The following TRIM33 variants were observed in gnomAD, a reference collection of about 807,000 sequenced individuals.
TRIM33 encodes the protein E3 ubiquitin-protein ligase TRIM33.
TRIM33 carries 20 observed loss-of-function variants against 125.4 expected under a neutral mutation model. That is an observed-to-expected ratio of 0.16 (90% CI 0.11 to 0.23). The LOEUF is 0.23. Among genes scored for constraint, TRIM33 ranks in the 10% least tolerant of loss-of-function variants. The pLI, the probability that TRIM33 is intolerant of heterozygous loss-of-function variation, is 1.00. For synonymous variants in TRIM33, 564 were observed against 513.9 expected, an observed-to-expected ratio of 1.10 and a Z score of -1.32; for missense variants, 920 against 1,411.4, an observed-to-expected ratio of 0.65 and a Z score of 5.58.
At chr1:114,430,291 G>A (rs1647862735) in intron 6 of TRIM33, among the ~76,000 whole-genome samples, 1 of 151,978 alleles carries the variant, frequency 6.6e-6, no homozygotes, top group African/African-American at 2.4e-5. Flanking sequence ...TGTTGCCCAG[G>A]CTGGAGTGCA....
At chr1:114,471,628 AC>A (rs1214299485) in intron 1 of TRIM33, among the ~76,000 whole-genome samples, 1 of 152,108 alleles carries the variant, frequency 6.6e-6, no homozygotes, top group African/African-American at 2.4e-5. Flanking sequence ...ACTGCAAAAA[AC>A]AAAACAAAAC....
chr1:114,511,105 C>T lies in TRIM33; in HGVS notation c.-29G>A, dbSNP rs1216145517. ...TTCCTCTTTGAACCCGCCGGACCGC[C>T]CCGCGCCGCCCGCCGCCCGCGTCGC... On this transcript the variant is annotated 5_prime_UTR_variant, in exon 1 of 20. Coordinates refer to ENST00000358465, the MANE Select transcript of TRIM33 (RefSeq NM_015906.4). 11 of 1,144,802 alleles carry T rather than the reference C, an allele frequency of 9.6e-6. No homozygotes were observed. Among genetic ancestry groups the T allele is most frequent in the Admixed American group, 4.8e-5 (1 of 20,626 alleles). The allele number at this position is 1,144,802 out of a possible 1,614,324, so 70.9% of individuals were successfully genotyped here. A position where few individuals can be genotyped will look rare whatever the true frequency, so the allele number is the denominator to read the frequency against.
rs539323925 is a variant in TRIM33 at position 114,393,830 on chromosome 1, T to A, written c.*3818A>T. 18 of 209,304 alleles carry A rather than the reference T, an allele frequency of 8.6e-5. No homozygotes were observed. Among genetic ancestry groups the A allele is most frequent in the Middle Eastern group, 1.5e-3 (1 of 672 alleles). The allele number at this position is 209,304 out of a possible 1,614,324, so 13.0% of individuals were successfully genotyped here. On this transcript the variant is annotated 3_prime_UTR_variant, in exon 20 of 20. Transcript: ENST00000358465. ...ATTTTTAAAATAAAATGCCACAATA[T>A]AGTGTCATTACTTCCAGCATACATT...
chr1:114,427,642 G>A (rs550189312), intron 7 of TRIM33, 106 bp downstream of exon 7: 52 of 1,189,762 alleles, frequency 4.4e-5, no homozygotes, highest in Non-Finnish European at 5.7e-5. Flanking sequence ...TGTGGTGGTG[G>A]TTACATTTGC....
At chr1:114,506,686 T>G (rs1653024695) in intron 1 of TRIM33, among the ~76,000 whole-genome samples, 1 of 152,192 alleles carries the variant, frequency 6.6e-6, no homozygotes, top group African/African-American at 2.4e-5. Flanking sequence ...CCACTACTGA[T>G]AGCTGTTCTG....
intron 15 of TRIM33, 30 bp from the exon 16 acceptor site, chr1:114,402,913 G>A (rs374817652): frequency 2.3e-5 from 37 of 1,585,302 alleles, no homozygotes; most frequent in Non-Finnish European, 3.0e-5. Context: ...ATTAGTCCAC[G>A]TAATTATAAG....
At chr1:114,434,695 G>A (rs115656815) in intron 4 of TRIM33, among the ~76,000 whole-genome samples, 42 of 152,106 alleles carry the variant, frequency 2.8e-4, no homozygotes, top group African/African-American at 9.2e-4. Flanking sequence ...TTTTTACATG[G>A]ACTAAAGAAT....
intron 4 of TRIM33, among the ~76,000 whole-genome samples, chr1:114,448,175 G>C (rs1256694367): frequency 6.6e-6 from 1 of 152,240 alleles, no homozygotes; most frequent in Non-Finnish European, 1.5e-5. Flanking sequence ...TTGGCTACAT[G>C]AGAGGGGATG....
In TRIM33 at chr1:114,405,617, A is replaced by C; in HGVS notation, c.2561T>G (p.Leu854Arg). 6.2e-7 allele frequency: 1 copy of C among 1,614,176 alleles called. No individual in the cohort carries two copies. Among genetic ancestry groups the C allele is most frequent in the South Asian group, 1.1e-5 (1 of 91,086 alleles). Residue 854 changes from leucine (L) to arginine (R), a missense_variant, in exon 15 of 20, where the codon CTC becomes CGC. By Grantham distance (102) the Leu-to-Arg change is moderately radical. This residue lies in a region of TRIM33 where 407 missense variants were observed against 589.7 expected (regional missense o/e 0.69). Coordinates refer to ENST00000358465, the MANE Select transcript of TRIM33 (RefSeq NM_015906.4). ...GGACTTTCCATTAACAAGGCTGCTG[A>C]GCCCTGACTGTTTGCAGCTTTCATT... ...DMNESCKQSG[L>R]SSLVNGKSPI...
At chr1:114,439,809 A>G (rs1572056988) in intron 4 of TRIM33, among the ~76,000 whole-genome samples, 1 of 152,230 alleles carries the variant, frequency 6.6e-6, no homozygotes, top group East Asian at 1.9e-4. Context: ...AAGAGAAAAA[A>G]GATACACTGT....
chr1:114,400,350 T>C (rs996265321), intron 17 of TRIM33, among the ~76,000 whole-genome samples: 1 of 152,128 alleles, frequency 6.6e-6, no homozygotes, highest in Non-Finnish European at 1.5e-5. Context: ...ATTACAGGCA[T>C]GCACTACCAC....
chr1:114,486,810 G>A (rs75275340), intron 1 of TRIM33, among the ~76,000 whole-genome samples: 30 of 152,052 alleles, frequency 2.0e-4, no homozygotes, highest in Non-Finnish European at 2.9e-4. Flanking sequence ...TGAACAGGCC[G>A]GGTGCAGTGG....
chr1:114,450,534 T>G (rs550146536), intron 4 of TRIM33, among the ~76,000 whole-genome samples: 329 of 152,232 alleles, frequency 2.2e-3, no homozygotes, highest in African/African-American at 6.9e-3. Flanking sequence ...ATTGCTGGCT[T>G]TGGAAACTAA....
At chr1:114,451,938 T>C (rs1487041292) in intron 4 of TRIM33, among the ~76,000 whole-genome samples, 1 of 152,226 alleles carries the variant, frequency 6.6e-6, no homozygotes, top group African/African-American at 2.4e-5. Context: ...GATTATGGAA[T>C]GAAGCTAAAT....
At chr1:114,487,516 G>T (rs976076519) in intron 1 of TRIM33, among the ~76,000 whole-genome samples, 1 of 151,858 alleles carries the variant, frequency 6.6e-6, no homozygotes, top group Admixed American at 6.6e-5. Flanking sequence ...AAGCATGTAT[G>T]GTTAAAGAAA....
At chr1:114,398,033 A>T in intron 18 of TRIM33, 43 bp from the exon 19 acceptor site, 1 of 1,594,336 alleles carries the variant, frequency 6.3e-7, no homozygotes, top group Non-Finnish European at 8.5e-7. Context: ...GGGAAATTAT[A>T]ATCCTTTCTA....
intron 4 of TRIM33, among the ~76,000 whole-genome samples, chr1:114,435,328 T>A (rs1648211780): frequency 6.6e-6 from 1 of 152,194 alleles, no homozygotes; most frequent in Non-Finnish European, 1.5e-5. Context: ...AGAGGTTATG[T>A]GTCAGTTATG....
At chr1:114,484,301 AC>A (rs1464116295) in intron 1 of TRIM33, among the ~76,000 whole-genome samples, 2 of 152,164 alleles carry the variant, frequency 1.3e-5, no homozygotes, top group Non-Finnish European at 2.9e-5. Flanking sequence ...CCCACGTTTT[AC>A]TTTTTCTAAA....
intron 1 of TRIM33, among the ~76,000 whole-genome samples, chr1:114,493,565 G>A (rs774954284): frequency 3.9e-5 from 6 of 152,132 alleles, no homozygotes; most frequent in South Asian, 2.1e-4. Flanking sequence ...GATTACATGC[G>A]TAAGCCACCA....
Sources: allele counts gnomAD v4.1 joint callset (sites outside exome capture counted in the v4.1 genomes callset), GRCh38; gene constraint gnomAD v4.1.1; regional missense constraint gnomAD v4.1.1; transcripts MANE v1.5; gene names NCBI Gene and HGNC (gene_info 2026-07-23, HGNC 2026-07-21).